Variants in ZNF727 observed in about 807,000 individuals in gnomAD.
ZNF727 encodes the protein zinc finger protein 727.
A neutral mutation model predicts 11.5 loss-of-function variants in ZNF727; 11 were observed. The observed-to-expected ratio is 0.95, with a 90% CI of 0.60 to 1.58. The LOEUF is 1.58. Among genes scored for constraint, ZNF727 ranks in the 40% most tolerant of loss-of-function variants. The pLI is 0.00. For synonymous variants in ZNF727, 171 were observed against 196.1 expected (o/e 0.87, Z 1.07); for missense variants, 533 against 581.7 (o/e 0.92, Z 0.86).
chr7:64,061,541 C>T (rs532235947), intron 1 of ZNF727, among the ~76,000 whole-genome samples: 1 of 151,306 alleles, frequency 6.6e-6, no homozygotes, highest in African/African-American at 2.4e-5. Flanking sequence ...TTTTCTATCC[C>T]TTTATTTTCA....
At chr7:64,065,388 G>A (rs1231475259) in intron 1 of ZNF727, among the ~76,000 whole-genome samples, 1 of 152,078 alleles carries the variant, frequency 6.6e-6, no homozygotes, top group African/African-American at 2.4e-5. Flanking sequence ...TCATATTTTG[G>A]TTTTTATTTA....
At chr7:64,052,370 TTC>T (rs1159510850) in intron 1 of ZNF727, among the ~76,000 whole-genome samples, 4 of 112,894 alleles carry the variant, frequency 3.5e-5, no homozygotes, top group African/African-American at 9.7e-5. Context: ...CCTGGACAAT[TTC>T]TCTCTCTTTT....
chr7:64,084,560 C>A lies in ZNF727; in HGVS notation c.*6011C>A, dbSNP rs1785844622. ...CATAATTTGGAGAATATGATTCCTA[C>A]AAATTAACATTTTTGTTTTTCTTGT... On this transcript the variant is annotated 3_prime_UTR_variant, in exon 4 of 4. Coordinates refer to ENST00000456806, the MANE Select transcript of ZNF727 (RefSeq NM_001159522.3). Among the ~76,000 whole-genome samples the A allele has an allele frequency of 6.6e-6, 1 of 152,116 alleles. No homozygotes were observed. The highest frequency in any genetic ancestry group is 2.4e-5 in the African/African-American group (1 of 41,436).
At chr7:64,071,737 T>C (rs1490721212) in intron 3 of ZNF727, among the ~76,000 whole-genome samples, 1 of 152,140 alleles carries the variant, frequency 6.6e-6, no homozygotes, top group East Asian at 1.9e-4. Flanking sequence ...AGAGTCCTTA[T>C]TTTATATTTA....
chr7:64,077,573 G>T lies in ZNF727; in HGVS notation c.524G>T (p.Cys175Phe), dbSNP rs1264328078. 1.3e-6 allele frequency: 2 copies of T among 1,551,366 alleles called. No individual in the cohort carries two copies. The highest frequency in any genetic ancestry group is 1.7e-6 in the Non-Finnish European group (2 of 1,146,818). Residue 175 changes from cysteine to phenylalanine, a missense_variant, in exon 4 of 4, where the codon TGT (cysteine) becomes TTT (phenylalanine). Around this residue, in one of 3 missense-constraint regions of ZNF727, gnomAD observed 463 missense variants for 494.5 expected, o/e 0.94. Transcript: ENST00000456806. ...KIFSREKCYK[C>F]EECGKDCRLS... Reference sequence around the variant, plus strand: ...TTTAGCAGAGAGAAATGCTACAAATGTGAAGAATGTGGCAAAGACTGTAGG... The same window carrying T: ...TTTAGCAGAGAGAAATGCTACAAATTTGAAGAATGTGGCAAAGACTGTAGG...
chr7:64,073,831 G>A (rs13224398), intron 3 of ZNF727, among the ~76,000 whole-genome samples: 94,510 of 151,918 alleles, frequency 0.62, 30,074 homozygotes, highest in Non-Finnish European at 0.68. Context: ...AGTTGACTGT[G>A]GCATTGCAAT....
At chr7:64,074,453 T>C (rs964008199) in intron 3 of ZNF727, among the ~76,000 whole-genome samples, 5 of 152,110 alleles carry the variant, frequency 3.3e-5, no homozygotes, top group African/African-American at 1.2e-4. Flanking sequence ...TTTGGAAAAT[T>C]TGTGCAGATT....
intron 3 of ZNF727, among the ~76,000 whole-genome samples, chr7:64,072,293 G>A (rs569082775): frequency 4.6e-5 from 7 of 152,136 alleles, no homozygotes; most frequent in African/African-American, 1.2e-4. Flanking sequence ...CTGTTGTGGA[G>A]TTTGCCTTTA....
At chr7:64,069,728 C>G (rs183805370) in intron 3 of ZNF727, 119 bp downstream of exon 3, 16 of 809,416 alleles carry the variant, frequency 2.0e-5, no homozygotes, top group Middle Eastern at 2.7e-4. Context: ...TTCTGAGAAG[C>G]CTTCATTTCT....
intron 3 of ZNF727, among the ~76,000 whole-genome samples, chr7:64,075,112 CA>C (rs1790020723): frequency 6.6e-6 from 1 of 152,014 alleles, no homozygotes; most frequent in African/African-American, 2.4e-5. Context: ...AAGTTTACTG[CA>C]TACAAAATGT....
chr7:64,080,065 C>G lies in ZNF727; in HGVS notation c.*1516C>G, dbSNP rs1051640654. Reference sequence around the variant, plus strand: ...TTTTTAGAGGTGACCTGGTCTTTCTCTCTAGCTGCCTTTAACATATTTTTT... The same window carrying G: ...TTTTTAGAGGTGACCTGGTCTTTCTGTCTAGCTGCCTTTAACATATTTTTT... On this transcript the variant is annotated 3_prime_UTR_variant, in exon 4 of 4. Coordinates refer to ENST00000456806, the MANE Select transcript of ZNF727 (RefSeq NM_001159522.3). Among the ~76,000 whole-genome samples the G allele has an allele frequency of 3.3e-5, 5 of 152,042 alleles. No homozygotes were observed. Among genetic ancestry groups the G allele is most frequent in the Admixed American group, 6.6e-5 (1 of 15,256 alleles).
At chr7:64,053,814 C>CTA (rs1789640862) in intron 1 of ZNF727, among the ~76,000 whole-genome samples, 1 of 152,142 alleles carries the variant, frequency 6.6e-6, no homozygotes. Context: ...TATGTCTTTA[C>CTA]CCGCAGCATG....
intron 3 of ZNF727, among the ~76,000 whole-genome samples, chr7:64,070,883 T>A (rs1332314884): frequency 6.6e-6 from 1 of 152,134 alleles, no homozygotes; most frequent in Non-Finnish European, 1.5e-5. Flanking sequence ...TTTGTCTTTC[T>A]GTTTCTGTGA....
intron 1 of ZNF727, among the ~76,000 whole-genome samples, chr7:64,052,912 TC>T (rs201589072): frequency 0.02 from 3,012 of 152,288 alleles, 110 homozygotes; most frequent in African/African-American, 0.068. Context: ...GGCCAATTTC[TC>T]CCATTTGAAG....
intron 1 of ZNF727, among the ~76,000 whole-genome samples, chr7:64,061,560 G>A (rs1474981009): frequency 1.3e-5 from 2 of 149,242 alleles, no homozygotes; most frequent in African/African-American, 2.5e-5. Context: ...CAGTCTTTCT[G>A]TGTCTTTATT....
Position 64,068,891 on chromosome 7 carries a change from C to G in ZNF727, c.4C>G (p.Arg2Gly). 6.3e-7 allele frequency: 1 copy of G among 1,589,980 alleles called. No individual in the cohort carries two copies. The highest frequency in any genetic ancestry group is 8.6e-7 in the Non-Finnish European group (1 of 1,167,384). M[R>G]VLTFRDVAVE... The stretch of plus-strand genomic sequence containing the variant: ...TTGGTAAATATGTTTTGTTTTTCAG[C>G]GAGTGCTAACATTCAGGGATGTGGC... The change falls in exon 2 of 4, where the codon CGA (arginine) becomes GGA (glycine). Residue 2 changes from arginine (R) to glycine (G), a missense_variant and splice_region_variant. By Grantham distance (125) the Arg-to-Gly change is moderately radical. Transcript: ENST00000456806.
At chr7:64,072,843 C>T (rs1279795549) in intron 3 of ZNF727, among the ~76,000 whole-genome samples, 1 of 151,922 alleles carries the variant, frequency 6.6e-6, no homozygotes, top group African/African-American at 2.4e-5. Context: ...GTTTTAAAAC[C>T]CTCTCCCTGA....
Position 64,081,654 on chromosome 7 carries a change from A to T in ZNF727, c.*3105A>T, listed in dbSNP as rs1318005438. On this transcript the variant is annotated 3_prime_UTR_variant, in exon 4 of 4. Coordinates refer to ENST00000456806, the MANE Select transcript of ZNF727 (RefSeq NM_001159522.3). ...GGGTACCTGAGACTGCCCTGTAAGC[A>T]GTTGTGGCCAGACTGGATCCCTGGG... Among the ~76,000 whole-genome samples the T allele has an allele frequency of 1.3e-5, 2 of 152,144 alleles. No individual in the cohort carries two copies. The highest frequency in any genetic ancestry group is 2.9e-5 in the Non-Finnish European group (2 of 68,020).
At chr7:64,062,840 G>A (rs1789795523) in intron 1 of ZNF727, among the ~76,000 whole-genome samples, 1 of 149,390 alleles carries the variant, frequency 6.7e-6, no homozygotes, top group Non-Finnish European at 1.5e-5. Flanking sequence ...TTTTCAAATA[G>A]CCTGTGTTCA....
Sources: gnomAD v4.1 joint callset for allele counts (sites outside exome capture counted in the v4.1 genomes callset) on GRCh38, gnomAD v4.1.1 for gene constraint, gnomAD v4.1.1 regional missense constraint, MANE v1.5 for transcripts, NCBI Gene and HGNC (gene_info 2026-07-23, HGNC 2026-07-21) for gene names.